Variants in PARVA observed in about 807,000 individuals in gnomAD.
PARVA encodes the protein alpha-parvin.
A neutral mutation model predicts 52.6 loss-of-function variants in PARVA; 25 were observed. The observed-to-expected ratio is 0.48, with a 90% CI of 0.35 to 0.66. The LOEUF (loss-of-function observed/expected upper bound fraction) is 0.66, where lower values mean the gene tolerates loss of function less well. Among genes scored for constraint, PARVA ranks in the 30% least tolerant of loss-of-function variants. The pLI is 0.01. For synonymous variants in PARVA, 185 were observed against 179.1 expected, an observed-to-expected ratio of 1.03 and a Z score of -0.26; for missense variants, 373 against 450.9, an observed-to-expected ratio of 0.83 and a Z score of 1.56.
intron 6 of PARVA, among the ~76,000 whole-genome samples, chr11:12,504,774 G>GGTGTGTGTGTGT (rs58878351): frequency 0.021 from 3,088 of 149,278 alleles, 41 homozygotes; most frequent in Middle Eastern, 0.035. Flanking sequence ...AAGGTATGTG[G>GGTGTGTGTGTGT]GTGTGTGTGT....
At chr11:12,525,863 G>C (rs972571682) in intron 12 of PARVA, among the ~76,000 whole-genome samples, 3 of 152,086 alleles carry the variant, frequency 2.0e-5, no homozygotes, top group Non-Finnish European at 2.9e-5. Context: ...GGTGGAGCAG[G>C]GTTGGTCTAT....
chr11:12,456,803 T>C (rs767963469), intron 1 of PARVA, among the ~76,000 whole-genome samples: 9 of 152,100 alleles, frequency 5.9e-5, no homozygotes, highest in Non-Finnish European at 1.3e-4. Context: ...CAGGCTCCCA[T>C]AGAGTACTAT....
At chr11:12,483,076 G>C (rs1445924946) in intron 4 of PARVA, among the ~76,000 whole-genome samples, 1 of 152,240 alleles carries the variant, frequency 6.6e-6, no homozygotes, top group Non-Finnish European at 1.5e-5. Flanking sequence ...TCACCTCTGT[G>C]TGGCCACATG....
intron 4 of PARVA, among the ~76,000 whole-genome samples, chr11:12,492,220 T>A (rs1047302195): frequency 2.0e-5 from 3 of 152,224 alleles, no homozygotes; most frequent in African/African-American, 7.2e-5. Context: ...TTCATTGTTT[T>A]CTATATATAA....
intron 12 of PARVA, among the ~76,000 whole-genome samples, chr11:12,521,052 A>G (rs186668577): frequency 1.4e-4 from 21 of 152,350 alleles, no homozygotes; most frequent in African/African-American, 4.6e-4. Context: ...ATCACCTTTC[A>G]AGTAGACTCA....
At chr11:12,496,392 G>A (rs1406201343) in intron 4 of PARVA, 66 bp from the exon 5 acceptor site, 1 of 1,262,312 alleles carries the variant, frequency 7.9e-7, no homozygotes, top group Non-Finnish European at 1.1e-6. Context: ...AACTGAGTAA[G>A]TGCATGCAGT....
chr11:12,526,862 G>T (rs1406472528), intron 12 of PARVA, among the ~76,000 whole-genome samples: 1 of 151,974 alleles, frequency 6.6e-6, no homozygotes, highest in African/African-American at 2.4e-5. Flanking sequence ...GGTCTTGTTG[G>T]GGGAGGGAGG....
chr11:12,506,153 C>T (rs1941428708), intron 6 of PARVA, among the ~76,000 whole-genome samples: 2 of 152,098 alleles, frequency 1.3e-5, no homozygotes, highest in Non-Finnish European at 2.9e-5. Context: ...TGCTGTGAAC[C>T]TCAGACTGCT....
chr11:12,509,973 A>G (rs1212881911), intron 7 of PARVA, among the ~76,000 whole-genome samples: 2 of 152,202 alleles, frequency 1.3e-5, no homozygotes, highest in Non-Finnish European at 2.9e-5. Flanking sequence ...AAACTCCCAA[A>G]CCAGGGAGTG....
chr11:12,431,372 C>T (rs1940314228), intron 1 of PARVA, among the ~76,000 whole-genome samples: 1 of 152,208 alleles, frequency 6.6e-6, no homozygotes, highest in Non-Finnish European at 1.5e-5. Flanking sequence ...TGCATTCAGC[C>T]CCTGCCTGCA....
Position 12,534,163 on chromosome 11 carries a change from G to A in PARVA, c.*6238G>A, listed in dbSNP as rs1137688. 0.2 allele frequency among the ~76,000 whole-genome samples: 30,662 copies of A among 152,026 alleles called. 3,328 individuals are homozygous for A. The highest frequency in any genetic ancestry group is 0.32 in the Middle Eastern group (94 of 294). On this transcript the variant is annotated 3_prime_UTR_variant, in exon 13 of 13. Transcript: ENST00000334956. ...AGCCTGGGCAACAGAGCAAGACTGC[G>A]TCTCAAAAAAACAAAACAAAACAAA...
In PARVA at chr11:12,454,902, G is replaced by C. The variant is rs78815480; in HGVS notation, c.137-18843G>C. Among the ~76,000 whole-genome samples the C allele has an allele frequency of 9.9e-3, 1,501 of 152,210 alleles. 30 individuals carry two copies. The highest frequency in any genetic ancestry group is 0.034 in the African/African-American group (1,422 of 41,536). ...TTCAGCTATTCAGTCTCATAGTTTTGATTGTTTCATCAGGCATGAGTCACA... is the reference window on the plus strand; with the variant it reads ...TTCAGCTATTCAGTCTCATAGTTTTCATTGTTTCATCAGGCATGAGTCACA... On this transcript the variant is annotated intron_variant, in intron 1 of 12. Coordinates refer to ENST00000334956, the MANE Select transcript of PARVA (RefSeq NM_018222.5).
intron 1 of PARVA, among the ~76,000 whole-genome samples, chr11:12,444,022 G>A (rs1203824170): frequency 1.3e-5 from 2 of 152,160 alleles, no homozygotes; most frequent in Non-Finnish European, 2.9e-5. Flanking sequence ...TTGTTGAGCT[G>A]AATCTTGAGG....
At chr11:12,506,758 G>A (rs982724481) in intron 6 of PARVA, among the ~76,000 whole-genome samples, 2 of 152,240 alleles carry the variant, frequency 1.3e-5, no homozygotes, top group Admixed American at 6.5e-5. Context: ...ACAGAAGCAA[G>A]ACTCAGAATT....
chr11:12,449,205 G>A (rs1564849876), intron 1 of PARVA, among the ~76,000 whole-genome samples: 1 of 151,746 alleles, frequency 6.6e-6, no homozygotes, highest in Non-Finnish European at 1.5e-5. Flanking sequence ...CCAGGCTGGA[G>A]GGCAGTGGCG....
chr11:12,452,882 C>A, intron 1 of PARVA: 2 of 380,484 alleles, frequency 5.3e-6, no homozygotes, highest in African/African-American at 2.1e-5. Context: ...CTTCGGGAAG[C>A]ATTTGAGAAG....
chr11:12,455,601 G>A (rs1056164799), intron 1 of PARVA, among the ~76,000 whole-genome samples: 2 of 152,054 alleles, frequency 1.3e-5, no homozygotes, highest in African/African-American at 4.8e-5. Flanking sequence ...CTGGTTTCTA[G>A]TTCCAGGCTC....
Position 12,445,997 on chromosome 11 carries a change from T to C in PARVA, c.137-27748T>C, listed in dbSNP as rs1559846. Among the ~76,000 whole-genome samples the C allele has an allele frequency of 2.3e-3, 356 of 152,128 alleles. 2 individuals carry two copies. The highest frequency in any genetic ancestry group is 8.1e-3 in the African/African-American group (338 of 41,518). Reference sequence around the variant, plus strand: ...GACAATTTTCTGACTATTGAAGCAATTGAAGAAATTATCAGTGACAAGTTT... The same window carrying C: ...GACAATTTTCTGACTATTGAAGCAACTGAAGAAATTATCAGTGACAAGTTT... On this transcript the variant is annotated intron_variant, in intron 1 of 12. Transcript: ENST00000334956.
At chr11:12,468,864 A>G (rs925762562) in intron 1 of PARVA, among the ~76,000 whole-genome samples, 2 of 152,198 alleles carry the variant, frequency 1.3e-5, no homozygotes, top group Non-Finnish European at 2.9e-5. Context: ...GCCTTTCTTT[A>G]GAATGAAGGA....
Sources: allele counts gnomAD v4.1 joint callset (sites outside exome capture counted in the v4.1 genomes callset), GRCh38; gene constraint gnomAD v4.1.1; transcripts MANE v1.5; gene names NCBI Gene and HGNC (gene_info 2026-07-23, HGNC 2026-07-21).